Variants in KCNJ6 observed in about 807,000 individuals in gnomAD.
KCNJ6 encodes G protein-activated inward rectifier potassium channel 2.
KCNJ6 carries 9 observed loss-of-function variants against 34.2 expected under a neutral mutation model. The ratio of observed to expected loss-of-function variants is 0.26; its 90% CI spans 0.16 to 0.46. The LOEUF is 0.46. Among genes scored for constraint, KCNJ6 ranks in the 20% least tolerant of loss-of-function variants. The pLI is 1.00. For synonymous variants in KCNJ6, 196 were observed against 207.1 expected, an observed-to-expected ratio of 0.95 and a Z score of 0.46; for missense variants, 236 against 531.3, an observed-to-expected ratio of 0.44 and a Z score of 5.46.
intron 3 of KCNJ6, among the ~76,000 whole-genome samples, chr21:37,633,651 T>A (rs941509357): frequency 3.3e-5 from 5 of 152,170 alleles, no homozygotes; most frequent in Admixed American, 2.6e-4. Flanking sequence ...AACTTATGTA[T>A]CTTTTTATAT....
chr21:37,796,199 G>A (rs2055240940), intron 2 of KCNJ6, among the ~76,000 whole-genome samples: 1 of 152,194 alleles, frequency 6.6e-6, no homozygotes, highest in African/African-American at 2.4e-5. Flanking sequence ...AAAAGGCGAG[G>A]ACGATGCCAA....
chr21:37,637,950 C>T (rs1316919315), intron 3 of KCNJ6, among the ~76,000 whole-genome samples: 33 of 152,192 alleles, frequency 2.2e-4, no homozygotes, highest in Non-Finnish European at 7.3e-5. Context: ...GCCTCTAGAA[C>T]TGTAAGGAAA....
chr21:37,659,064 G>A (rs560539530), intron 3 of KCNJ6, among the ~76,000 whole-genome samples: 63 of 152,370 alleles, frequency 4.1e-4, no homozygotes, highest in Admixed American at 3.0e-3. Flanking sequence ...AGCATGGAAT[G>A]CTTTGCTACT....
chr21:37,730,940 C>T (rs574239417), intron 2 of KCNJ6, among the ~76,000 whole-genome samples: 7 of 152,304 alleles, frequency 4.6e-5, no homozygotes, highest in South Asian at 4.1e-4. Context: ...AGTATTGACC[C>T]GTCTTACAGA....
At chr21:37,894,820 A>G (rs1379103983) in intron 1 of KCNJ6, among the ~76,000 whole-genome samples, 1 of 152,158 alleles carries the variant, frequency 6.6e-6, no homozygotes, top group Non-Finnish European at 1.5e-5. Flanking sequence ...TGATACAAGC[A>G]TTTTCTTCAA....
In KCNJ6 at chr21:37,617,994, C is replaced by T. The variant is rs2123355567; in HGVS notation, c.*7165G>A. On this transcript the variant is annotated 3_prime_UTR_variant, in exon 4 of 4. Transcript: ENST00000609713. ...TTGTCCAGATGGGCAAGAGCCAGACCCTGCAGGGAGAAGCTCCCCTAGAGA... is the reference window on the plus strand; with the variant it reads ...TTGTCCAGATGGGCAAGAGCCAGACTCTGCAGGGAGAAGCTCCCCTAGAGA... 1 of 152,388 alleles carries T rather than the reference C, an allele frequency of 6.6e-6. No homozygotes were observed. The highest frequency in any genetic ancestry group is 1.9e-4 in the East Asian group (1 of 5,184). The allele number at this position is 152,388 out of a possible 1,614,324, so 9.4% of individuals were successfully genotyped here. A position where few individuals can be genotyped will look rare whatever the true frequency, so the allele number is the denominator to read the frequency against.
At chr21:37,826,260 CTTGA>C (rs1159530473) in intron 2 of KCNJ6, among the ~76,000 whole-genome samples, 1 of 152,102 alleles carries the variant, frequency 6.6e-6, no homozygotes, top group East Asian at 1.9e-4. Flanking sequence ...AAAGTCATCC[CTTGA>C]TTGATTGTGT....
At chr21:37,727,390 C>T (rs577110417) in intron 2 of KCNJ6, among the ~76,000 whole-genome samples, 11 of 151,746 alleles carry the variant, frequency 7.2e-5, no homozygotes, top group East Asian at 3.9e-4. Context: ...GAGTGAGGGA[C>T]GGTGAGTGTA....
At chr21:37,630,215 T>C (rs966175680) in intron 3 of KCNJ6, among the ~76,000 whole-genome samples, 22 of 146,370 alleles carry the variant, frequency 1.5e-4, no homozygotes, top group African/African-American at 5.5e-4. Flanking sequence ...CTAGGTTATT[T>C]TGTGAGTAAA....
At chr21:37,762,016 C>T (rs181444273) in intron 2 of KCNJ6, among the ~76,000 whole-genome samples, 1 of 152,166 alleles carries the variant, frequency 6.6e-6, no homozygotes, top group East Asian at 1.9e-4. Flanking sequence ...TGGTTTAGGG[C>T]GGGCCAGGAG....
chr21:37,853,838 ATATATATG>A (rs1490524398), intron 1 of KCNJ6, among the ~76,000 whole-genome samples: 4 of 108,070 alleles, frequency 3.7e-5, no homozygotes, highest in African/African-American at 1.3e-4. Flanking sequence ...AGAGATACAT[ATATATATG>A]TATATATATA....
chr21:37,762,771 G>A (rs899057595), intron 2 of KCNJ6, among the ~76,000 whole-genome samples: 2 of 152,098 alleles, frequency 1.3e-5, no homozygotes, highest in African/African-American at 4.8e-5. Flanking sequence ...TACACATGAC[G>A]ATCCCCTGGG....
chr21:37,646,045 T>C (rs1405078415), intron 3 of KCNJ6, among the ~76,000 whole-genome samples: 1 of 152,200 alleles, frequency 6.6e-6, no homozygotes, highest in Non-Finnish European at 1.5e-5. Context: ...GAGACAAGCC[T>C]TCTGAATTCG....
chr21:37,775,272 T>C (rs1454143935), intron 2 of KCNJ6, among the ~76,000 whole-genome samples: 1 of 152,228 alleles, frequency 6.6e-6, no homozygotes, highest in Non-Finnish European at 1.5e-5. Context: ...GTGAGTAGAT[T>C]GCAAAAATTT....
chr21:37,788,868 G>A (rs1179795584), intron 2 of KCNJ6, among the ~76,000 whole-genome samples: 1 of 152,076 alleles, frequency 6.6e-6, no homozygotes, highest in African/African-American at 2.4e-5. Flanking sequence ...ACTCATTTTT[G>A]GGATGGTTTG....
chr21:37,692,874 G>T (rs2054646132), intron 3 of KCNJ6, among the ~76,000 whole-genome samples: 1 of 152,116 alleles, frequency 6.6e-6, no homozygotes, highest in Non-Finnish European at 1.5e-5. Context: ...AGAGCGAAAG[G>T]GTAGCATTAG....
intron 3 of KCNJ6, among the ~76,000 whole-genome samples, chr21:37,672,603 A>G (rs1273974831): frequency 1.3e-5 from 2 of 152,068 alleles, no homozygotes; most frequent in Non-Finnish European, 2.9e-5. Context: ...TTCAAGATAC[A>G]TGGTATATCC....
chr21:37,797,591 C>T (rs1005435579), intron 2 of KCNJ6, among the ~76,000 whole-genome samples: 4 of 152,056 alleles, frequency 2.6e-5, no homozygotes, highest in Admixed American at 6.6e-5. Context: ...GACATTTTCC[C>T]GCCTGTGGTT....
At chr21:37,745,407 G>A (rs1025386722) in intron 2 of KCNJ6, among the ~76,000 whole-genome samples, 1 of 152,148 alleles carries the variant, frequency 6.6e-6, no homozygotes, top group African/African-American at 2.4e-5. Flanking sequence ...ACAGAGGTGA[G>A]ACATCATGCC....
Sources: allele counts gnomAD v4.1 joint callset (sites outside exome capture counted in the v4.1 genomes callset), GRCh38; gene constraint gnomAD v4.1.1; transcripts MANE v1.5; gene names NCBI Gene and HGNC (gene_info 2026-07-23, HGNC 2026-07-21).